Variants in GALNT7 observed in about 807,000 individuals in gnomAD.
The protein encoded by GALNT7 is polypeptide N-acetylgalactosaminyltransferase 7.
Under a neutral mutation model 82.1 loss-of-function variants are expected in GALNT7, and 60 were observed. The ratio of observed to expected loss-of-function variants is 0.73; its 90% CI spans 0.59 to 0.91. The LOEUF (loss-of-function observed/expected upper bound fraction) is 0.91, where lower values mean the gene tolerates loss of function less well. Among genes scored for constraint, GALNT7 ranks in the 40% least tolerant of loss-of-function variants. The pLI is 0.00. For missense variants in GALNT7, 660 were observed against 804.2 expected, an observed-to-expected ratio of 0.82 and a Z score of 2.17; for synonymous variants, 243 against 275.1, an observed-to-expected ratio of 0.88 and a Z score of 1.15.
At chr4:173,172,861 T>C (rs1008124221) in intron 1 of GALNT7, among the ~76,000 whole-genome samples, 4 of 152,138 alleles carry the variant, frequency 2.6e-5, no homozygotes, top group African/African-American at 9.7e-5. Flanking sequence ...TAGTCCATGC[T>C]AAGGAGGAGA....
chr4:173,248,443 A>G lies in GALNT7; in HGVS notation c.587+3A>G. The stretch of plus-strand genomic sequence containing the variant: ...GTCAATGACTTACGCCAAGAAGAGT[A>G]AGCACACATCCTCTTCTTTCTAAAA... On this transcript the variant is annotated splice_donor_region_variant and intron_variant, in intron 2 of 11. Transcript: ENST00000265000. The G allele has an allele frequency of 6.4e-7, 1 of 1,566,478 alleles. No individual in the cohort carries two copies. Among genetic ancestry groups the G allele is most frequent in the South Asian group, 1.1e-5 (1 of 89,228 alleles).
chr4:173,216,055 C>T (rs968352450), intron 1 of GALNT7, among the ~76,000 whole-genome samples: 3 of 152,144 alleles, frequency 2.0e-5, no homozygotes, highest in African/African-American at 7.2e-5. Flanking sequence ...GCCTGAAAAG[C>T]AGATGTTGCA....
At chr4:173,262,924 GT>G (rs1310860633) in intron 2 of GALNT7, among the ~76,000 whole-genome samples, 2 of 152,112 alleles carry the variant, frequency 1.3e-5, no homozygotes, top group East Asian at 3.8e-4. Context: ...AGTGGTATGT[GT>G]TTTATATTTA....
chr4:173,305,429 T>G (rs1170651361), intron 8 of GALNT7, among the ~76,000 whole-genome samples: 2 of 152,210 alleles, frequency 1.3e-5, no homozygotes, highest in African/African-American at 2.4e-5. Context: ...CTTCTTAGTT[T>G]GATATAATTC....
chr4:173,315,347 G>A (rs1737555454), intron 9 of GALNT7, among the ~76,000 whole-genome samples: 1 of 152,162 alleles, frequency 6.6e-6, no homozygotes, highest in African/African-American at 2.4e-5. Context: ...TTCTGTTGGT[G>A]TTCTGGGCAT....
chr4:173,278,638 A>G (rs1247410324), intron 2 of GALNT7, among the ~76,000 whole-genome samples: 1 of 152,258 alleles, frequency 6.6e-6, no homozygotes, highest in Non-Finnish European at 1.5e-5. Flanking sequence ...CATTGGACTT[A>G]ACAGTAATTT....
intron 2 of GALNT7, among the ~76,000 whole-genome samples, chr4:173,285,893 A>G (rs1319702910): frequency 6.6e-6 from 1 of 152,194 alleles, no homozygotes; most frequent in Non-Finnish European, 1.5e-5. Flanking sequence ...CCAAAATGGG[A>G]TTTGTGGCAC....
At position 173,318,524 on chromosome 4, in the gene GALNT7, A is replaced by G; in HGVS notation, c.1801A>G (p.Asn601Asp). The stretch of plus-strand genomic sequence containing the variant: ...ATCAAAAGTTATGATTACACACTGT[A>G]ATCTAAATGAATTTAAGGAATGGCA... ...DGSKVMITHC[N>D]LNEFKEWQYF... Residue 601 changes from asparagine (N) to aspartate (D), a missense_variant, in exon 11 of 12, where the codon AAT becomes GAT. By Grantham distance (23) the Asn-to-Asp change is conservative. Transcript: ENST00000265000. 2 of 1,570,526 alleles carry G rather than the reference A, an allele frequency of 1.3e-6. No homozygotes were observed. The highest frequency in any genetic ancestry group is 1.8e-6 in the Non-Finnish European group (2 of 1,141,756).
intron 7 of GALNT7, among the ~76,000 whole-genome samples, chr4:173,303,535 G>C (rs1398696113): frequency 6.6e-6 from 1 of 152,176 alleles, no homozygotes; most frequent in African/African-American, 2.4e-5. Context: ...TTAAGCAAGG[G>C]AATAACATGA....
chr4:173,305,222 C>T (rs565993403), intron 8 of GALNT7, among the ~76,000 whole-genome samples: 1 of 152,226 alleles, frequency 6.6e-6, no homozygotes, highest in East Asian at 1.9e-4. Context: ...TAACTGTTGG[C>T]TAGTTGTATG....
chr4:173,180,992 T>C (rs753475078), intron 1 of GALNT7, among the ~76,000 whole-genome samples: 1 of 152,258 alleles, frequency 6.6e-6, no homozygotes, highest in Non-Finnish European at 1.5e-5. Flanking sequence ...AAAAATCTGC[T>C]AGTTCTTGCC....
chr4:173,314,048 G>T lies in GALNT7; in HGVS notation c.1480G>T (p.Asp494Tyr). 1.2e-6 allele frequency: 2 copies of T among 1,610,466 alleles called. No individual in the cohort carries two copies. Among genetic ancestry groups the T allele is most frequent in the Non-Finnish European group, 8.5e-7 (1 of 1,176,790 alleles). The change falls in exon 9 of 12, where the codon GAT becomes TAT. Residue 494 changes from aspartate to tyrosine, a missense_variant. Transcript: ENST00000265000. ...RPESQALPYG[D>Y]ISELKKFRED... ...TGAATCGCAGGCATTACCATATGGGGATATATCGGAGCTGAAAAAATTTCG... is the reference window on the plus strand; with the variant it reads ...TGAATCGCAGGCATTACCATATGGGTATATATCGGAGCTGAAAAAATTTCG...
Position 173,295,459 on chromosome 4 carries a change from G to A in GALNT7, c.818G>A (p.Arg273Gln), listed in dbSNP as rs775788103. ...TGGAATGGCCTAGTGAAGGTATTTC[G>A]AAATGAAAGAAGGGAAGGTTTAATT... Reference protein sequence around the residue: ...KLWNGLVKVFRNERREGLIQA... With the variant: ...KLWNGLVKVFQNERREGLIQA... Residue 273 changes from arginine (R) to glutamine (Q), a missense_variant, in exon 4 of 12, where the codon CGA becomes CAA. Arg to Gln is a conservative substitution (Grantham distance 43). Transcript: ENST00000265000. 1.3e-5 allele frequency: 21 copies of A among 1,611,060 alleles called. No individual in the cohort carries two copies. The South Asian group carries it at 1.3e-4, about 10-fold the overall frequency.
At chr4:173,198,581 AAAGATTCAC>A (rs1732851459) in intron 1 of GALNT7, among the ~76,000 whole-genome samples, 1 of 152,224 alleles carries the variant, frequency 6.6e-6, no homozygotes, top group Non-Finnish European at 1.5e-5. Flanking sequence ...CCTGCCTCTT[AAAGATTCAC>A]AAGGCTGAAA....
At chr4:173,223,012 G>A (rs181403352) in intron 1 of GALNT7, among the ~76,000 whole-genome samples, 32 of 151,944 alleles carry the variant, frequency 2.1e-4, no homozygotes, top group African/African-American at 6.0e-4. Flanking sequence ...TTCACAATAA[G>A]AATCCTAAAA....
rs1561204618 is a variant in GALNT7 at position 173,320,905 on chromosome 4, A to G, written c.1837-675A>G. Among the ~76,000 whole-genome samples the G allele has an allele frequency of 1.3e-5, 2 of 152,200 alleles. No homozygotes were observed. The highest frequency in any genetic ancestry group is 4.8e-5 in the African/African-American group (2 of 41,464). The stretch of plus-strand genomic sequence containing the variant: ...TTTCAACTGTGTGTGGCCATGAGCA[A>G]TACAACTATAGGTACTAGCATAGTT... On this transcript the variant is annotated intron_variant, in intron 11 of 11. Coordinates refer to ENST00000265000, the MANE Select transcript of GALNT7 (RefSeq NM_017423.3). The surrounding 1 kb of genome is among the most constrained non-coding windows in gnomAD (Gnocchi z 4.1).
At chr4:173,303,966 C>T in intron 7 of GALNT7, 30 bp from the exon 8 acceptor site, 2 of 1,578,182 alleles carry the variant, frequency 1.3e-6, no homozygotes, top group Non-Finnish European at 1.7e-6. Context: ...GTATTTGAAA[C>T]AACTTTCACA....
intron 1 of GALNT7, among the ~76,000 whole-genome samples, chr4:173,182,661 TAC>T (rs60501649): frequency 0.039 from 5,133 of 133,018 alleles, 155 homozygotes; most frequent in African/African-American, 0.098. Context: ...TTACTCATAA[TAC>T]ACACACACAC....
chr4:173,215,282 G>A (rs1762185418), intron 1 of GALNT7, among the ~76,000 whole-genome samples: 1 of 150,220 alleles, frequency 6.7e-6, no homozygotes, highest in Non-Finnish European at 1.5e-5. Context: ...CCAGGCTGGA[G>A]AGCAGTGGTG....
Sources: allele counts gnomAD v4.1 joint callset (sites outside exome capture counted in the v4.1 genomes callset), GRCh38; gene constraint gnomAD v4.1.1; non-coding constraint Gnocchi (gnomAD v3.1); transcripts MANE v1.5; gene names NCBI Gene and HGNC (gene_info 2026-07-23, HGNC 2026-07-21).